SERINC2: variants seen among roughly 807,000 people sequenced by gnomAD.
SERINC2 encodes tumor differentially expressed protein 2.
In SERINC2, 56 loss-of-function variants were observed where a neutral mutation model predicts 54.2. The ratio of observed to expected loss-of-function variants is 1.03; its 90% confidence interval spans 0.83 to 1.29. The LOEUF (loss-of-function observed/expected upper bound fraction) is 1.29, where lower values mean the gene tolerates loss of function less well. Among genes scored for constraint, SERINC2 ranks in the 50% most tolerant of loss-of-function variants. The pLI, the probability that SERINC2 is intolerant of heterozygous loss-of-function variation, is 0.00. For synonymous variants in SERINC2, 272 were observed against 253.1 expected (o/e 1.07, Z -0.71); for missense variants, 614 against 607.4 (o/e 1.01, Z -0.12).
At chr1:31,414,066 TGCGGGTCGTCAC>T (rs1195899727) in intron 1 of SERINC2, 1 of 1,493,444 alleles carries the variant, frequency 6.7e-7, no homozygotes, top group Non-Finnish European at 8.9e-7. Context: ...GTGAGGCGGG[TGCGGGTCGTCAC>T]GGACCACCGG....
intron 1 of SERINC2, among the ~76,000 whole-genome samples, chr1:31,419,469 A>C (rs1640856402): frequency 6.6e-6 from 1 of 152,200 alleles, no homozygotes; most frequent in Non-Finnish European, 1.5e-5. Context: ...TATTTGCCCC[A>C]TTCAGCAGAG....
At chr1:31,427,469 C>T (rs1182646628) in intron 6 of SERINC2, among the ~76,000 whole-genome samples, 1 of 152,144 alleles carries the variant, frequency 6.6e-6, no homozygotes, top group Non-Finnish European at 1.5e-5. Flanking sequence ...TGGTCAGAGC[C>T]TCATATCCCA....
At chr1:31,428,821 G>T (rs1365318461) in intron 6 of SERINC2, among the ~76,000 whole-genome samples, 157 bp from the exon 7 acceptor site, 1 of 151,818 alleles carries the variant, frequency 6.6e-6, no homozygotes, top group Non-Finnish European at 1.5e-5. Context: ...AGTGAGGTGG[G>T]TGGTAGGTGG....
At chr1:31,432,714 C>T (rs550114945) in intron 8 of SERINC2, among the ~76,000 whole-genome samples, 1 of 152,220 alleles carries the variant, frequency 6.6e-6, no homozygotes, top group Admixed American at 6.5e-5. Context: ...CCCCAGCAGC[C>T]CTCTAGAGGA....
intron 8 of SERINC2, among the ~76,000 whole-genome samples, chr1:31,431,792 TG>T (rs1641220160): frequency 6.9e-6 from 1 of 145,850 alleles, no homozygotes; most frequent in African/African-American, 2.6e-5. Context: ...GTGGATAGGG[TG>T]GATAGGGTGG....
At chr1:31,430,046 T>C (rs1434943292) in intron 8 of SERINC2, among the ~76,000 whole-genome samples, 3 of 152,164 alleles carry the variant, frequency 2.0e-5, no homozygotes, top group Admixed American at 2.0e-4. Flanking sequence ...CTTATCCATG[T>C]GGACTCAAAT....
intron 1 of SERINC2, among the ~76,000 whole-genome samples, chr1:31,420,129 G>T (rs1255520732): frequency 3.3e-5 from 5 of 152,220 alleles, no homozygotes; most frequent in Non-Finnish European, 2.9e-5. Flanking sequence ...TGTAGGAAGA[G>T]ATTTAAATAT....
Position 31,423,691 on chromosome 1 carries a change from A to C in SERINC2, c.40-2A>C. On this transcript the variant is annotated splice_acceptor_variant, in intron 1 of 9. Transcript: ENST00000373709. LOFTEE classifies it high-confidence loss of function. ...GGGAAGAGTGACAGTGCCCTCCCGC[A>C]GGCGTCCTGCCTCTGCGGCTCTGCC... The C allele has an allele frequency of 1.4e-5, 22 of 1,606,840 alleles. No individual in the cohort carries two copies. The highest frequency in any genetic ancestry group is 1.9e-5 in the Non-Finnish European group (22 of 1,179,658).
rs78029434 is a variant in SERINC2, at chr1:31,423,761, C to T, written c.108C>T (p.Thr36=). ...CSCCPASRNS[T]VSRLIFTFFL... is the part of the protein sequence containing the mutation. ...GCTGCCCCGCCAGCCGCAACTCCAC[C>T]GTGAGCCGCCTCATCTTCACGTTCT... is the stretch of plus-strand genomic sequence containing the variant. The change falls in exon 2 of 10, where the codon ACC becomes ACT. Residue 36 remains threonine, a synonymous_variant. Coordinates refer to ENST00000373709, the MANE Select transcript of SERINC2 (RefSeq NM_178865.5). 0.032 allele frequency: 51,366 copies of T among 1,613,694 alleles called. 1,041 individuals are homozygous for T. The highest frequency in any genetic ancestry group is 0.045 in the South Asian group (4,139 of 91,078).
chr1:31,434,448 C>T lies in SERINC2; in HGVS notation c.*249C>T, dbSNP rs1641416557. ...GTGGAGCTGCCTCTTCCTTCCCCTC[C>T]TCCCTGTTGCCCATACTCAGCATCT... On this transcript the variant is annotated 3_prime_UTR_variant, in exon 10 of 10. Coordinates refer to ENST00000373709, the MANE Select transcript of SERINC2 (RefSeq NM_178865.5). 2 of 545,358 alleles carry T rather than the reference C, an allele frequency of 3.7e-6. No homozygotes were observed. The highest frequency in any genetic ancestry group is 6.5e-6 in the Non-Finnish European group (2 of 306,048). The allele number at this position is 545,358 out of a possible 1,614,324, so 33.8% of individuals were successfully genotyped here.
At chr1:31,424,410 C>T (rs1193486292) in intron 2 of SERINC2, among the ~76,000 whole-genome samples, 3 of 152,184 alleles carry the variant, frequency 2.0e-5, no homozygotes, top group Non-Finnish European at 2.9e-5. Context: ...CTGCTTTAGA[C>T]AGCGCAATAG....
rs782081393 is a variant in SERINC2, at chr1:31,428,994, C to T, written c.797C>T (p.Ser266Leu). 1.9e-5 allele frequency: 31 copies of T among 1,613,782 alleles called. No individual in the cohort carries two copies. The Admixed American group carries it at 2.0e-4, about 10-fold the overall frequency. The change falls in exon 7 of 10, where the codon TCG becomes TTG. Residue 266 changes from serine to leucine, a missense_variant. Ser to Leu is a moderately radical substitution (Grantham distance 145, BLOSUM62 -2). Coordinates refer to ENST00000373709, the MANE Select transcript of SERINC2 (RefSeq NM_178865.5). ...TCTTGCCAGGACGCCCAGCCCAACT[C>T]GGGTCTGCTGCAGGCCTCGGTCATC... ...LPKVQDAQPNSGLLQASVITL... is the reference protein window; with the variant it reads ...LPKVQDAQPNLGLLQASVITL...
chr1:31,425,452 A>G (rs1181687107), intron 4 of SERINC2, 43 bp downstream of exon 4: 1 of 1,405,636 alleles, frequency 7.1e-7, no homozygotes, highest in African/African-American at 1.4e-5. Flanking sequence ...GTGGGGAGGG[A>G]AGTGGGGCGG....
Position 31,434,419 on chromosome 1 carries a change from C to G in SERINC2, c.*220C>G. 1.7e-6 allele frequency: 1 copy of G among 574,198 alleles called. No individual in the cohort carries two copies. The highest frequency in any genetic ancestry group is 3.1e-6 in the Non-Finnish European group (1 of 323,598). 35.6% of individuals were successfully genotyped at this position (574,198 alleles called of 1,614,324 possible). ...GAGCCCCATCCCCCCGCCACACCCA[C>G]ACGGTGGAGCTGCCTCTTCCTTCCC... On this transcript the variant is annotated 3_prime_UTR_variant, in exon 10 of 10. Transcript: ENST00000373709.
At chr1:31,417,126 A>G (rs1363136368) in intron 1 of SERINC2, among the ~76,000 whole-genome samples, 9 of 152,204 alleles carry the variant, frequency 5.9e-5, no homozygotes, top group Admixed American at 1.3e-4. Context: ...AGTAGTGCCA[A>G]CTAAGGCACA....
rs956954338 is a variant in SERINC2, at chr1:31,426,973, C to G, written c.780+150C>G. ...CAGGTCAGCCTCCCCAGGTTATAGT[C>G]AGGCTCTCACGGCTTCATGCTGGGT... On this transcript the variant is annotated intron_variant, in intron 6 of 9. Transcript: ENST00000373709. The G allele has an allele frequency of 8.9e-6, 6 of 677,712 alleles. No individual in the cohort carries two copies. In the African/African-American group the frequency reaches 1.1e-4, roughly 12 times the overall value. 42.0% of individuals were successfully genotyped at this position (677,712 alleles called of 1,614,324 possible). A position where few individuals can be genotyped will look rare whatever the true frequency, so the allele number is the denominator to read the frequency against.
chr1:31,428,457 C>T (rs1414820230), intron 6 of SERINC2, among the ~76,000 whole-genome samples: 1 of 152,138 alleles, frequency 6.6e-6, no homozygotes, highest in African/African-American at 2.4e-5. Context: ...GGTAATATTG[C>T]AATGTGGAAC....
Position 31,413,422 on chromosome 1 carries a change from C to G in SERINC2, c.39+118C>G, listed in dbSNP as rs1373554347. 1.9e-6 allele frequency: 1 copy of G among 515,246 alleles called. No individual in the cohort carries two copies. Among genetic ancestry groups the G allele is most frequent in the Non-Finnish European group, 2.9e-6 (1 of 350,374 alleles). The allele number at this position is 515,246 out of a possible 1,614,324, so 31.9% of individuals were successfully genotyped here. On this transcript the variant is annotated intron_variant, in intron 1 of 9. Transcript: ENST00000373709. This position sits in a 1 kb window ranked among gnomAD's most constrained non-coding sequence, Gnocchi z 5.0. ...TTTTCCTTCCTGCAAACTTGTCTTT[C>G]TGGGCCGGTGCCCCGCCTGCTCGCC... is the stretch of plus-strand genomic sequence containing the variant.
chr1:31,413,241 G>A lies in SERINC2; in HGVS notation c.-25G>A. 5 of 1,167,950 alleles carry A rather than the reference G, an allele frequency of 4.3e-6. No homozygotes were observed. The highest frequency in any genetic ancestry group is 5.3e-6 in the Non-Finnish European group (5 of 949,474). 72.3% of individuals were successfully genotyped at this position (1,167,950 alleles called of 1,614,324 possible). A position where few individuals can be genotyped will look rare whatever the true frequency, so the allele number is the denominator to read the frequency against. The stretch of plus-strand genomic sequence containing the variant: ...GTCCGCGCCCCGCGCCCGGCGCCGG[G>A]CGCCCGAAGCCGGGAGCCGCCGCCA... On this transcript the variant is annotated 5_prime_UTR_variant, in exon 1 of 10. Transcript: ENST00000373709. The surrounding 1 kb of genome is among the most constrained non-coding windows in gnomAD (Gnocchi z 5.0).
Sources: gnomAD v4.1 joint callset for allele counts (sites outside exome capture counted in the v4.1 genomes callset) on GRCh38, gnomAD v4.1.1 for gene constraint, Gnocchi (gnomAD v3.1) non-coding constraint, MANE v1.5 for transcripts, NCBI Gene and HGNC (gene_info 2026-07-23, HGNC 2026-07-21) for gene names.